TSPAN9: variants seen among roughly 807,000 people sequenced by gnomAD.
TSPAN9 encodes tetraspanin-9.
TSPAN9 carries 16 observed loss-of-function variants against 31.0 expected under a neutral mutation model. The observed-to-expected ratio is 0.52, with a 90% CI of 0.35 to 0.78. The LOEUF is 0.78. Among genes scored for constraint, TSPAN9 ranks in the 30% least tolerant of loss-of-function variants. The pLI is 0.01. For synonymous variants in TSPAN9, 145 were observed against 121.6 expected (o/e 1.19, Z -1.27); for missense variants, 272 against 312.5 (o/e 0.87, Z 0.98).
At chr12:3,085,781 G>A (rs1386009677) in intron 2 of TSPAN9, among the ~76,000 whole-genome samples, 1 of 152,232 alleles carries the variant, frequency 6.6e-6, no homozygotes, top group Non-Finnish European at 1.5e-5. Flanking sequence ...TTGGCTTCCA[G>A]TCCTGGGCCT....
At chr12:3,180,822 T>G (rs1239346958) in intron 2 of TSPAN9, among the ~76,000 whole-genome samples, 3 of 152,184 alleles carry the variant, frequency 2.0e-5, no homozygotes, top group Non-Finnish European at 4.4e-5. Flanking sequence ...TCTTAGGATC[T>G]TAGGTTAACA....
At chr12:3,154,757 C>T (rs1174180789) in intron 2 of TSPAN9, among the ~76,000 whole-genome samples, 3 of 152,220 alleles carry the variant, frequency 2.0e-5, no homozygotes, top group African/African-American at 4.8e-5. Flanking sequence ...AGCCTGACTT[C>T]GGTCCTGTGA....
At chr12:3,229,583 A>C (rs1175992558) in intron 3 of TSPAN9, among the ~76,000 whole-genome samples, 1 of 152,238 alleles carries the variant, frequency 6.6e-6, no homozygotes, top group Admixed American at 6.5e-5. Context: ...AGCTTTCACC[A>C]GGACCTATCC....
chr12:3,233,556 C>G (rs1390735220), intron 3 of TSPAN9, among the ~76,000 whole-genome samples: 6 of 152,196 alleles, frequency 3.9e-5, no homozygotes, highest in African/African-American at 1.4e-4. Context: ...CTTTCTGTAG[C>G]TTGCATTGCT....
chr12:3,210,677 CTCT>C (rs1408680396), intron 3 of TSPAN9, among the ~76,000 whole-genome samples: 1 of 150,424 alleles, frequency 6.6e-6, no homozygotes, highest in Non-Finnish European at 1.5e-5. Context: ...AATTTTCAGC[CTCT>C]TCTTTGTTAG....
At chr12:3,110,635 C>T (rs1365180575) in intron 2 of TSPAN9, among the ~76,000 whole-genome samples, 1 of 152,090 alleles carries the variant, frequency 6.6e-6, no homozygotes, top group Non-Finnish European at 1.5e-5. Flanking sequence ...GTGCTGGTTA[C>T]ATAGGAGGTC....
chr12:3,208,085 G>A (rs1032041761), intron 3 of TSPAN9, among the ~76,000 whole-genome samples: 6 of 152,226 alleles, frequency 3.9e-5, no homozygotes, highest in South Asian at 2.1e-4. Flanking sequence ...GAGGCCTGGC[G>A]CCTTGGACTT....
At chr12:3,274,433 G>A (rs1023315526) in intron 3 of TSPAN9, among the ~76,000 whole-genome samples, 3 of 151,852 alleles carry the variant, frequency 2.0e-5, no homozygotes, top group Non-Finnish European at 2.9e-5. Context: ...AAAGAATCAG[G>A]CAGCTCTATG....
chr12:3,164,678 C>G (rs1413700813), intron 2 of TSPAN9, among the ~76,000 whole-genome samples: 1 of 152,200 alleles, frequency 6.6e-6, no homozygotes, highest in East Asian at 1.9e-4. Flanking sequence ...GCAAAACCCT[C>G]CTCCTTTGCT....
intron 2 of TSPAN9, among the ~76,000 whole-genome samples, chr12:3,188,223 C>T (rs1008031517): frequency 2.0e-5 from 3 of 151,590 alleles, no homozygotes; most frequent in Admixed American, 2.0e-4. Flanking sequence ...GAAACAGAGG[C>T]ATGCTCACAT....
At chr12:3,256,226 G>A (rs1024821555) in intron 3 of TSPAN9, among the ~76,000 whole-genome samples, 4 of 152,236 alleles carry the variant, frequency 2.6e-5, no homozygotes, top group Non-Finnish European at 4.4e-5. Flanking sequence ...TGGTGAGAGA[G>A]GCTGCAGGAG....
intron 3 of TSPAN9, chr12:3,211,641 C>T: frequency 4.8e-6 from 6 of 1,262,142 alleles, no homozygotes; most frequent in Non-Finnish European, 6.7e-6. Flanking sequence ...TGGTTTCCCA[C>T]TCATCTTGAC....
At chr12:3,149,459 A>G (rs139289716) in intron 2 of TSPAN9, among the ~76,000 whole-genome samples, 1 of 152,330 alleles carries the variant, frequency 6.6e-6, no homozygotes, top group African/African-American at 2.4e-5. Context: ...TGCATTCTTC[A>G]GAAGCTAAAG....
At chr12:3,081,844 G>GTGTGTGTGTATATATATATATATATATA (rs57812985) in intron 1 of TSPAN9, among the ~76,000 whole-genome samples, 3 of 116,738 alleles carry the variant, frequency 2.6e-5, no homozygotes, top group Admixed American at 9.1e-5. Flanking sequence ...GTCTGTGTGT[G>GTGTGTGTGTATATATATATATATATATA]TATATATATG....
rs184935244 is a variant in TSPAN9 at position 3,244,973 on chromosome 12, G to A, written c.64-33448G>A. On this transcript the variant is annotated intron_variant, in intron 3 of 8. Coordinates refer to ENST00000011898, the MANE Select transcript of TSPAN9 (RefSeq NM_006675.5). Reference sequence around the variant, plus strand: ...CCAACCTCTCTCTCTCACTCTGTGCGTTAGCCTCTTGACTCTGTGGGCATC... The same window carrying A: ...CCAACCTCTCTCTCTCACTCTGTGCATTAGCCTCTTGACTCTGTGGGCATC... Among the ~76,000 whole-genome samples, 11 of 152,292 alleles carry A rather than the reference G, an allele frequency of 7.2e-5. No homozygotes were observed. The East Asian group carries it at 1.5e-3, about 21-fold the overall frequency.
intron 3 of TSPAN9, among the ~76,000 whole-genome samples, chr12:3,240,619 G>T (rs1175069266): frequency 6.6e-6 from 1 of 152,172 alleles, no homozygotes; most frequent in African/African-American, 2.4e-5. Flanking sequence ...CTCTGGGGGT[G>T]TTAAGACACA....
chr12:3,171,949 G>A (rs566903407), intron 2 of TSPAN9: 2 of 152,282 alleles, frequency 1.3e-5, no homozygotes, highest in South Asian at 2.1e-4. Flanking sequence ...TCCATGGAGG[G>A]TCGAAACTGC....
intron 2 of TSPAN9, chr12:3,199,982 C>G (rs1342677135): frequency 6.6e-6 from 1 of 152,406 alleles, no homozygotes; most frequent in African/African-American, 2.4e-5. Flanking sequence ...GCGCTTCTGT[C>G]CCCCTCCAGT....
At chr12:3,151,801 T>C (rs1034099453) in intron 2 of TSPAN9, among the ~76,000 whole-genome samples, 7 of 152,130 alleles carry the variant, frequency 4.6e-5, no homozygotes, top group African/African-American at 1.7e-4. Context: ...TGTGCGCCTG[T>C]ACTCCCAGCT....
Sources: allele counts gnomAD v4.1 joint callset (sites outside exome capture counted in the v4.1 genomes callset), GRCh38; gene constraint gnomAD v4.1.1; transcripts MANE v1.5; gene names NCBI Gene and HGNC (gene_info 2026-07-23, HGNC 2026-07-21).